The following THSD7B variants were observed in gnomAD, a reference collection of about 807,000 sequenced individuals.
THSD7B encodes the protein thrombospondin type-1 domain-containing protein 7B.
Under a neutral mutation model 213.6 loss-of-function variants are expected in THSD7B, and 138 were observed. That is an observed-to-expected ratio of 0.65 (90% CI 0.56 to 0.74). The LOEUF (loss-of-function observed/expected upper bound fraction) is 0.74. Ranked by LOEUF, THSD7B falls within the 30% of genes least tolerant of loss-of-function variation. The pLI is 0.00. For missense variants in THSD7B, 1,931 were observed against 1,991.5 expected (o/e 0.97, Z 0.58); for synonymous variants, 742 against 687.0 (o/e 1.08, Z -1.25).
intron 21 of THSD7B, among the ~76,000 whole-genome samples, chr2:137,647,180 T>A (rs1279603742): frequency 6.6e-6 from 1 of 152,312 alleles, no homozygotes; most frequent in East Asian, 1.9e-4. Context: ...CACCTTGTCC[T>A]GCTTTACTCC....
chr2:137,040,518 C>T (rs538522028), intron 2 of THSD7B, among the ~76,000 whole-genome samples: 70 of 151,972 alleles, frequency 4.6e-4, no homozygotes, highest in Admixed American at 1.3e-3. Context: ...CTCAGCCTCC[C>T]GAGTAGCTGG....
intron 21 of THSD7B, among the ~76,000 whole-genome samples, chr2:137,649,012 A>G (rs1377440110): frequency 6.6e-6 from 1 of 152,092 alleles, no homozygotes; most frequent in Non-Finnish European, 1.5e-5. Flanking sequence ...CATTTTTCTG[A>G]TAAGTACTAA....
chr2:137,075,652 G>C (rs920813504), intron 3 of THSD7B, among the ~76,000 whole-genome samples: 15 of 152,260 alleles, frequency 9.9e-5, no homozygotes, highest in Admixed American at 6.5e-4. Flanking sequence ...TTTGGAGCAG[G>C]AGAGGCGCTC....
At chr2:137,251,280 G>A (rs1247428005) in intron 10 of THSD7B, among the ~76,000 whole-genome samples, 2 of 152,130 alleles carry the variant, frequency 1.3e-5, no homozygotes, top group Non-Finnish European at 2.9e-5. Context: ...GAGACTTAGA[G>A]CATCAGATTT....
intron 15 of THSD7B, among the ~76,000 whole-genome samples, chr2:137,508,150 A>T (rs1679878300): frequency 6.6e-6 from 1 of 152,186 alleles, no homozygotes. Context: ...ATGACAAGAT[A>T]AACTGAGTTT....
chr2:137,596,100 G>A (rs567031047), intron 17 of THSD7B, among the ~76,000 whole-genome samples: 19 of 151,908 alleles, frequency 1.3e-4, no homozygotes, highest in Non-Finnish European at 2.1e-4. Context: ...AAGCCAGAAA[G>A]GTTAAGAAGG....
At chr2:137,334,280 T>G (rs1475590706) in intron 12 of THSD7B, among the ~76,000 whole-genome samples, 2 of 151,990 alleles carry the variant, frequency 1.3e-5, no homozygotes, top group Non-Finnish European at 2.9e-5. Context: ...AGAAGTACAT[T>G]TGGCAAATTG....
At chr2:137,382,445 C>A (rs563238597) in intron 12 of THSD7B, among the ~76,000 whole-genome samples, 27 of 152,268 alleles carry the variant, frequency 1.8e-4, no homozygotes, top group African/African-American at 6.0e-4. Context: ...TTGGTTGGGG[C>A]CTGTGGCAGC....
intron 2 of THSD7B, among the ~76,000 whole-genome samples, chr2:137,055,956 T>A (rs1407396275): frequency 6.6e-6 from 1 of 152,186 alleles, no homozygotes; most frequent in African/African-American, 2.4e-5. Flanking sequence ...ATATGAAAAA[T>A]TCTACTTTAT....
At chr2:137,179,244 A>G (rs1205157199) in intron 7 of THSD7B, among the ~76,000 whole-genome samples, 2 of 152,122 alleles carry the variant, frequency 1.3e-5, no homozygotes, top group African/African-American at 2.4e-5. Context: ...AAGTTTTTCT[A>G]TTCCCTATTG....
chr2:137,128,878 A>G (rs1407325318), intron 5 of THSD7B, among the ~76,000 whole-genome samples: 1 of 152,228 alleles, frequency 6.6e-6, no homozygotes, highest in Non-Finnish European at 1.5e-5. Context: ...CAGAGTTCCT[A>G]TAAGAACCTT....
intron 12 of THSD7B, among the ~76,000 whole-genome samples, chr2:137,296,782 C>T (rs12617399): frequency 0.061 from 9,338 of 152,030 alleles, 537 homozygotes; most frequent in African/African-American, 0.14. Flanking sequence ...CAGCTCCTCT[C>T]ACCTGGGCTC....
intron 3 of THSD7B, 28 bp from the exon 4 acceptor site, chr2:137,094,842 GCCT>G (rs1409858008): frequency 6.2e-7 from 1 of 1,600,198 alleles, no homozygotes; most frequent in African/African-American, 1.3e-5. Context: ...TTAATATATG[GCCT>G]CCTATTTTCT....
intron 2 of THSD7B, among the ~76,000 whole-genome samples, chr2:137,012,400 C>A (rs2104835256): frequency 6.6e-6 from 1 of 152,344 alleles, no homozygotes; most frequent in South Asian, 2.1e-4. Context: ...TGAGCTTGAT[C>A]TGTTTTGGTA....
chr2:137,606,810 GAAGGA>G (rs1682188514), intron 17 of THSD7B, among the ~76,000 whole-genome samples: 1 of 152,070 alleles, frequency 6.6e-6, no homozygotes, highest in Non-Finnish European at 1.5e-5. Flanking sequence ...AGGAGGAGGA[GAAGGA>G]AAGGAAAGAG....
At chr2:137,167,192 ATTAT>A (rs565152667) in intron 6 of THSD7B, among the ~76,000 whole-genome samples, 6 of 150,736 alleles carry the variant, frequency 4.0e-5, no homozygotes, top group African/African-American at 4.9e-5. Context: ...TTTTTATTTT[ATTAT>A]TTATTTATTT....
chr2:137,458,025 A>G lies in THSD7B; in HGVS notation c.3138+7002A>G, dbSNP rs187865233. On this transcript the variant is annotated intron_variant, in intron 15 of 27. Transcript: ENST00000409968. ...CTAAACAAAAATGGGTGCCCTTTCA[A>G]GATCTTTTTAAGATTAGGAAAAAAA... is the stretch of plus-strand genomic sequence containing the variant. 8.3e-4 allele frequency among the ~76,000 whole-genome samples: 125 copies of G among 150,864 alleles called. 1 individual carries two copies. Among genetic ancestry groups the G allele is most frequent in the Admixed American group, 3.4e-3 (51 of 15,096 alleles).
intron 12 of THSD7B, among the ~76,000 whole-genome samples, chr2:137,402,791 G>A (rs917147176): frequency 2.2e-5 from 3 of 136,904 alleles, no homozygotes; most frequent in Non-Finnish European, 3.0e-5. Flanking sequence ...ACTCTAGCCT[G>A]TGCAGTGAAG....
intron 1 of THSD7B, among the ~76,000 whole-genome samples, chr2:136,808,482 C>G (rs541914144): frequency 6.6e-6 from 1 of 152,172 alleles, no homozygotes; most frequent in African/African-American, 2.4e-5. Flanking sequence ...TTATGTCCAT[C>G]ACCTATTGAA....
Sources: gnomAD v4.1 joint callset for allele counts (sites outside exome capture counted in the v4.1 genomes callset) on GRCh38, gnomAD v4.1.1 for gene constraint, MANE v1.5 for transcripts, NCBI Gene and HGNC (gene_info 2026-07-23, HGNC 2026-07-21) for gene names.